The following NRXN3 variants were observed in gnomAD, a reference collection of about 807,000 sequenced individuals.
NRXN3 encodes the protein neurexin III.
In NRXN3, 32 loss-of-function variants were observed where a neutral mutation model predicts 137.6. The observed-to-expected ratio is 0.23, with a 90% CI of 0.18 to 0.31. NRXN3 has a LOEUF of 0.31. NRXN3 is among the 10% of genes least tolerant of loss of function. The pLI is 1.00. For missense variants in NRXN3, 1,574 were observed against 2,062.5 expected (o/e 0.76, Z 4.59); for synonymous variants, 798 against 784.5 (o/e 1.02, Z -0.29).
intron 14 of NRXN3, chr14:78,973,010 TG>T: frequency 6.6e-6 from 1 of 152,286 alleles, no homozygotes; most frequent in Non-Finnish European, 1.5e-5. Flanking sequence ...TCACACCTCT[TG>T]GACAGCAGCA....
At chr14:78,456,813 C>CTTTCTTT (rs1296878822) in intron 4 of NRXN3, among the ~76,000 whole-genome samples, 1 of 118,070 alleles carries the variant, frequency 8.5e-6, no homozygotes, top group Non-Finnish European at 1.9e-5. Context: ...TTCTTTCTTT[C>CTTTCTTT]TTTCTTTCTT....
chr14:79,840,999 G>A (rs1040919217), intron 20 of NRXN3, among the ~76,000 whole-genome samples: 16 of 152,000 alleles, frequency 1.1e-4, no homozygotes, highest in Middle Eastern at 3.2e-3. Context: ...CCTTATCTAC[G>A]GTTTAGTTTA....
At chr14:79,343,577 G>C (rs117874564) in intron 15 of NRXN3, among the ~76,000 whole-genome samples, 4,473 of 152,094 alleles carry the variant, frequency 0.029, 92 homozygotes, top group Non-Finnish European at 0.042. Context: ...TCCTGCATCT[G>C]CCAGAAGATG....
chr14:79,284,827 C>G (rs1357071171), intron 15 of NRXN3, among the ~76,000 whole-genome samples: 2 of 152,110 alleles, frequency 1.3e-5, no homozygotes, highest in Non-Finnish European at 2.9e-5. Flanking sequence ...GCTCAGCCAG[C>G]TGCTTTCTAA....
chr14:78,809,866 A>G (rs112553931), intron 9 of NRXN3, among the ~76,000 whole-genome samples: 44 of 152,310 alleles, frequency 2.9e-4, no homozygotes, highest in African/African-American at 1.0e-3. Flanking sequence ...TGTTAATGCT[A>G]CTTTAAAAAC....
At chr14:79,133,173 A>T (rs1443610543) in intron 15 of NRXN3, among the ~76,000 whole-genome samples, 3 of 152,138 alleles carry the variant, frequency 2.0e-5, no homozygotes, top group African/African-American at 7.2e-5. Flanking sequence ...TCCCATGAAG[A>T]TATTGATTAT....
chr14:78,739,877 T>C (rs1215195352), intron 8 of NRXN3, among the ~76,000 whole-genome samples: 1 of 152,180 alleles, frequency 6.6e-6, no homozygotes, highest in Non-Finnish European at 1.5e-5. Context: ...GGTAGGGGCC[T>C]ACTTTCTCTC....
chr14:78,932,626 G>C (rs2099325481), intron 10 of NRXN3, among the ~76,000 whole-genome samples: 1 of 152,164 alleles, frequency 6.6e-6, no homozygotes, highest in South Asian at 2.1e-4. Flanking sequence ...GGAAAAAGGA[G>C]TGGGCACATT....
chr14:78,856,939 G>A (rs529086318), intron 10 of NRXN3, among the ~76,000 whole-genome samples: 1 of 152,148 alleles, frequency 6.6e-6, no homozygotes, highest in African/African-American at 2.4e-5. Context: ...CACCATGTTG[G>A]CCAGGCTGGC....
rs879678356 is a variant in NRXN3, at chr14:79,000,262, A to ATAAATATAT, written c.3262+12121_3262+12122insTAAATATAT. Among the ~76,000 whole-genome samples, 210 of 152,308 alleles carry ATAAATATAT rather than the reference A, an allele frequency of 1.4e-3. 1 individual carries two copies. Among genetic ancestry groups the ATAAATATAT allele is most frequent in the African/African-American group, 4.5e-3 (189 of 41,566 alleles). On this transcript the variant is annotated intron_variant, in intron 15 of 20. Transcript: ENST00000335750. The stretch of plus-strand genomic sequence containing the variant: ...TGAAATCAAATGCATGTATGTGCAT[A>ATAAATATAT]CATATGTAATATAAATAAATATAAG...
chr14:78,298,964 C>T (rs768439599), intron 4 of NRXN3, among the ~76,000 whole-genome samples: 29 of 152,070 alleles, frequency 1.9e-4, no homozygotes, highest in Non-Finnish European at 3.1e-4. Context: ...AGGAACTGCC[C>T]GAGGCTGGAA....
Position 78,709,349 on chromosome 14 carries a change from G to A in NRXN3, c.1354G>A (p.Glu452Lys). 1 of 1,614,064 alleles carries A rather than the reference G, an allele frequency of 6.2e-7. No individual in the cohort carries two copies. The highest frequency in any genetic ancestry group is 8.5e-7 in the Non-Finnish European group (1 of 1,180,002). The change falls in exon 7 of 21, where the codon GAG becomes AAG. Residue 452 changes from glutamate (E) to lysine (K), a missense_variant. Physicochemically the swap from Glu to Lys is moderately conservative, Grantham distance 56. Coordinates refer to ENST00000335750, the MANE Select transcript of NRXN3 (RefSeq NM_001330195.2). ...GGCCACACTGGACCCCATCAACTTTGAGACCCCAGAGGCTTACATCAGCTT... is the reference window on the plus strand; with the variant it reads ...GGCCACACTGGACCCCATCAACTTTAAGACCCCAGAGGCTTACATCAGCTT... ...NVATLDPINF[E>K]TPEAYISLPK...
chr14:78,443,237 G>C (rs1019285735), intron 4 of NRXN3, among the ~76,000 whole-genome samples: 3 of 152,182 alleles, frequency 2.0e-5, no homozygotes, highest in Admixed American at 6.5e-5. Context: ...GGTAGTAGTG[G>C]AGAGGCTGAG....
chr14:78,386,029 ATT>A lies in NRXN3; in HGVS notation c.757+88180_757+88181del, dbSNP rs5809883. Reference sequence around the variant, plus strand: ...TCTATAAGGAGCTCTAAGGTATTAGATTTTTTTTTTTTAACTGGCAAAACAAA... The same window carrying A: ...TCTATAAGGAGCTCTAAGGTATTAGATTTTTTTTTTAACTGGCAAAACAAA... On this transcript the variant is annotated intron_variant, in intron 4 of 20. Coordinates refer to ENST00000335750, the MANE Select transcript of NRXN3 (RefSeq NM_001330195.2). Among the ~76,000 whole-genome samples the A allele has an allele frequency of 1.5e-3, 223 of 150,262 alleles. 1 individual carries two copies. The highest frequency in any genetic ancestry group is 2.0e-3 in the African/African-American group (81 of 40,942).
chr14:79,496,520 ATTATG>A (rs2096769481), intron 16 of NRXN3, among the ~76,000 whole-genome samples: 1 of 152,232 alleles, frequency 6.6e-6, no homozygotes, highest in South Asian at 2.1e-4. Context: ...CAGGGCTGTC[ATTATG>A]AACATCAGTG....
chr14:78,522,676 G>A (rs754921694), intron 4 of NRXN3, among the ~76,000 whole-genome samples: 40 of 152,058 alleles, frequency 2.6e-4, no homozygotes, highest in Non-Finnish European at 4.6e-4. Flanking sequence ...ACATATCTAG[G>A]TCTGATAAAT....
intron 15 of NRXN3, among the ~76,000 whole-genome samples, chr14:79,344,071 A>G (rs2092748024): frequency 6.6e-6 from 1 of 152,216 alleles, no homozygotes; most frequent in African/African-American, 2.4e-5. Context: ...AATGTTTACC[A>G]GTTTTCTCAG....
intron 2 of NRXN3, among the ~76,000 whole-genome samples, chr14:78,257,036 T>C (rs2069750692): frequency 6.6e-6 from 1 of 152,194 alleles, no homozygotes; most frequent in South Asian, 2.1e-4. Context: ...GTGGTGGTCT[T>C]GATTGACCTG....
intron 17 of NRXN3, among the ~76,000 whole-genome samples, chr14:79,686,359 G>A (rs966995248): frequency 6.6e-6 from 1 of 152,056 alleles, no homozygotes; most frequent in Non-Finnish European, 1.5e-5. Flanking sequence ...GTTTTGGAAG[G>A]CTCTCAAGGC....
Sources: gnomAD v4.1 joint callset for allele counts (sites outside exome capture counted in the v4.1 genomes callset) on GRCh38, gnomAD v4.1.1 for gene constraint, MANE v1.5 for transcripts, NCBI Gene and HGNC (gene_info 2026-07-23, HGNC 2026-07-21) for gene names.